SCAI: variants seen among roughly 807,000 people sequenced by gnomAD.
SCAI encodes protein SCAI.
Under a neutral mutation model 92.2 loss-of-function variants are expected in SCAI, and 24 were observed. The observed-to-expected ratio is 0.26, with a 90% CI of 0.19 to 0.37. SCAI has a LOEUF of 0.37. Among genes scored for constraint, SCAI ranks in the 10% least tolerant of loss-of-function variants. The pLI, the probability that SCAI is intolerant of heterozygous loss-of-function variation, is 1.00. For synonymous variants in SCAI, 261 were observed against 258.6 expected, an observed-to-expected ratio of 1.01 and a Z score of -0.09; for missense variants, 450 against 736.2, an observed-to-expected ratio of 0.61 and a Z score of 4.50.
intron 2 of SCAI, among the ~76,000 whole-genome samples, chr9:125,083,312 G>C (rs1834259084): frequency 6.6e-6 from 1 of 152,064 alleles, no homozygotes; most frequent in African/African-American, 2.4e-5. Flanking sequence ...GAGGTCAGGA[G>C]TTCATGACCA....
In SCAI at chr9:124,987,965, A is replaced by AAAAC. The variant is rs147806679; in HGVS notation, c.1326+6965_1326+6968dup. Among the ~76,000 whole-genome samples the AAAAC allele has an allele frequency of 9.3e-3, 1,408 of 151,938 alleles. 8 individuals are homozygous for AAAAC. The highest frequency in any genetic ancestry group is 0.023 in the African/African-American group (943 of 41,384). ...GTAACAGAGCGAGACTTCTTCTCAAAAAACAAACAAACAAACAAACAAACA... is the reference window on the plus strand; with the variant it reads ...GTAACAGAGCGAGACTTCTTCTCAAAAAACAAACAAACAAACAAACAAACAAACA... On this transcript the variant is annotated intron_variant, in intron 14 of 17. Transcript: ENST00000336505.
At chr9:125,062,104 T>C (rs187588580) in intron 2 of SCAI, among the ~76,000 whole-genome samples, 102 of 151,958 alleles carry the variant, frequency 6.7e-4, no homozygotes, top group African/African-American at 2.3e-3. Flanking sequence ...AAATTTTAAG[T>C]CAGGAAAGCA....
chr9:124,991,761 CA>C (rs1194215059), intron 14 of SCAI, among the ~76,000 whole-genome samples: 1 of 152,062 alleles, frequency 6.6e-6, no homozygotes, highest in Non-Finnish European at 1.5e-5. Context: ...CGCTTGAACC[CA>C]GGAAGCGGAG....
intron 3 of SCAI, among the ~76,000 whole-genome samples, chr9:125,031,749 A>G (rs1018583276): frequency 1.6e-4 from 24 of 152,272 alleles, no homozygotes; most frequent in African/African-American, 5.3e-4. Flanking sequence ...ACATTACTGT[A>G]AGGTCTCATA....
chr9:125,138,604 C>G (rs184509961), intron 2 of SCAI, among the ~76,000 whole-genome samples: 1 of 151,994 alleles, frequency 6.6e-6, no homozygotes, highest in Non-Finnish European at 1.5e-5. Flanking sequence ...TTAGTAGAGA[C>G]GTGGTTTCAC....
intron 2 of SCAI, among the ~76,000 whole-genome samples, chr9:125,102,606 T>C (rs143306544): frequency 6.6e-6 from 1 of 151,828 alleles, no homozygotes; most frequent in African/African-American, 2.4e-5. Flanking sequence ...AAACCCACTT[T>C]TTTTTTTTTG....
At chr9:125,011,708 G>A (rs935602637) in intron 9 of SCAI, among the ~76,000 whole-genome samples, 6 of 152,156 alleles carry the variant, frequency 3.9e-5, no homozygotes, top group Admixed American at 6.5e-5. Context: ...CTCGAGAAGA[G>A]CAACTCCAGG....
chr9:125,048,829 T>C (rs1833499356), intron 3 of SCAI, among the ~76,000 whole-genome samples: 1 of 152,106 alleles, frequency 6.6e-6, no homozygotes, highest in South Asian at 2.1e-4. Context: ...CACCACAACA[T>C]CCGCCTCCCA....
intron 14 of SCAI, among the ~76,000 whole-genome samples, chr9:124,992,235 G>GA (rs1012426360): frequency 6.6e-6 from 1 of 151,986 alleles, no homozygotes; most frequent in Non-Finnish European, 1.5e-5. Flanking sequence ...GCTTTTGTGG[G>GA]AAAAATAAAT....
chr9:125,073,820 C>T (rs748936647), intron 2 of SCAI, among the ~76,000 whole-genome samples: 61 of 152,244 alleles, frequency 4.0e-4, no homozygotes, highest in Non-Finnish European at 7.9e-4. Flanking sequence ...GATTTAATCA[C>T]TCTGAAAGGT....
intron 2 of SCAI, among the ~76,000 whole-genome samples, chr9:125,138,295 G>C (rs1245995179): frequency 8.9e-6 from 1 of 112,194 alleles, no homozygotes; most frequent in Non-Finnish European, 1.7e-5. Context: ...CGCTCTTGTT[G>C]CCCAGGATGG....
At chr9:124,987,965 AAAACAAACAAAC>A (rs147806679) in intron 14 of SCAI, among the ~76,000 whole-genome samples, 3 of 151,834 alleles carry the variant, frequency 2.0e-5, no homozygotes, top group East Asian at 3.9e-4. Context: ...TTCTTCTCAA[AAAACAAACAAAC>A]AAACAAACAA....
rs1478232775 is a variant in SCAI at position 124,968,309 on chromosome 9, A to G, written c.1674+3061T>C. 9 of 1,216,488 alleles carry G rather than the reference A, an allele frequency of 7.4e-6. 1 individual carries two copies. In the East Asian group the frequency reaches 1.2e-4, roughly 16 times the overall value. The allele number at this position is 1,216,488 out of a possible 1,614,324, so 75.4% of individuals were successfully genotyped here. A position where few individuals can be genotyped will look rare whatever the true frequency, so the allele number is the denominator to read the frequency against. ...GGGCTGGGCATCAAGCGTCTTCTCC[A>G]GAATAGGCCAAGGAAGACAAGTCCA... On this transcript the variant is annotated intron_variant, in intron 17 of 17. Transcript: ENST00000336505.
chr9:124,999,602 T>C (rs1832316491), intron 13 of SCAI, among the ~76,000 whole-genome samples: 1 of 152,188 alleles, frequency 6.6e-6, no homozygotes, highest in Non-Finnish European at 1.5e-5. Context: ...TATGTATATA[T>C]TTACTGTCTC....
intron 2 of SCAI, among the ~76,000 whole-genome samples, chr9:125,135,160 T>C (rs989502642): frequency 1.3e-5 from 2 of 152,140 alleles, no homozygotes; most frequent in African/African-American, 2.4e-5. Flanking sequence ...AGATGAACTA[T>C]GATAAGGAAA....
At chr9:125,116,033 A>G (rs960912215) in intron 2 of SCAI, among the ~76,000 whole-genome samples, 1 of 152,156 alleles carries the variant, frequency 6.6e-6, no homozygotes, top group African/African-American at 2.4e-5. Flanking sequence ...CATCTCTATC[A>G]GAAAAAACAA....
intron 2 of SCAI, among the ~76,000 whole-genome samples, chr9:125,119,966 T>A (rs1321548069): frequency 6.6e-6 from 1 of 152,092 alleles, no homozygotes; most frequent in African/African-American, 2.4e-5. Flanking sequence ...AAAGTGACAC[T>A]CCAGAGAGAA....
At chr9:125,068,583 G>T (rs1465241219) in intron 2 of SCAI, among the ~76,000 whole-genome samples, 2 of 152,172 alleles carry the variant, frequency 1.3e-5, no homozygotes, top group Non-Finnish European at 2.9e-5. Context: ...AGCACTTTGG[G>T]AGTCCAAGGC....
At chr9:125,047,605 C>A (rs533284946) in intron 3 of SCAI, among the ~76,000 whole-genome samples, 1 of 152,274 alleles carries the variant, frequency 6.6e-6, no homozygotes, top group South Asian at 2.1e-4. Flanking sequence ...AAGAAGACAA[C>A]CCCAAAATAG....
Sources: allele counts gnomAD v4.1 joint callset (sites outside exome capture counted in the v4.1 genomes callset), GRCh38; gene constraint gnomAD v4.1.1; transcripts MANE v1.5; gene names NCBI Gene and HGNC (gene_info 2026-07-23, HGNC 2026-07-21).